The following ACOXL variants were observed in gnomAD, a reference collection of about 807,000 sequenced individuals.
ACOXL encodes the protein acyl-CoA oxidase like, also known as acyl-coenzyme A oxidase-like protein.
ACOXL carries 70 observed loss-of-function variants against 71.9 expected under a neutral mutation model. That is an observed-to-expected ratio of 0.97 (90% CI 0.80 to 1.19). ACOXL has a LOEUF of 1.19. Ranked by LOEUF, ACOXL falls within the 50% of genes most tolerant of loss-of-function variation. The pLI is 0.00. For synonymous variants in ACOXL, 253 were observed against 281.6 expected (o/e 0.90, Z 1.02); for missense variants, 703 against 736.3 (o/e 0.95, Z 0.52).
intron 11 of ACOXL, among the ~76,000 whole-genome samples, chr2:110,911,775 T>C (rs144060746): frequency 1.3e-3 from 201 of 152,196 alleles, no homozygotes; most frequent in Non-Finnish European, 2.1e-3. Context: ...GGTGAAAGAT[T>C]GAATGCTCTC....
At chr2:110,821,158 A>C (rs1277068026) in intron 9 of ACOXL, among the ~76,000 whole-genome samples, 5 of 152,208 alleles carry the variant, frequency 3.3e-5, no homozygotes, top group African/African-American at 7.2e-5. Flanking sequence ...GTCGTGTGGC[A>C]GGGGAGGCCC....
intron 12 of ACOXL, among the ~76,000 whole-genome samples, chr2:110,941,293 C>G (rs998505650): frequency 6.6e-6 from 1 of 152,180 alleles, no homozygotes; most frequent in Admixed American, 6.5e-5. Context: ...TAGCAGACTT[C>G]TGATCAAGAT....
intron 16 of ACOXL, among the ~76,000 whole-genome samples, chr2:111,056,879 C>T (rs2066569682): frequency 6.6e-6 from 1 of 152,034 alleles, no homozygotes; most frequent in Admixed American, 6.5e-5. Context: ...CTGGACGCAG[C>T]TGGCATGGTC....
At chr2:110,768,047 G>C (rs910071096) in intron 1 of ACOXL, among the ~76,000 whole-genome samples, 2 of 151,804 alleles carry the variant, frequency 1.3e-5, no homozygotes, top group African/African-American at 4.8e-5. Context: ...CAGGAGAATC[G>C]CTTGAACCCG....
chr2:110,952,131 A>G (rs558620749), intron 12 of ACOXL, among the ~76,000 whole-genome samples: 27 of 152,362 alleles, frequency 1.8e-4, no homozygotes, highest in African/African-American at 6.0e-4. Context: ...TTCTAAGAAC[A>G]TATAAAATGA....
intron 12 of ACOXL, chr2:110,963,536 C>T: frequency 6.7e-7 from 1 of 1,501,742 alleles, no homozygotes; most frequent in African/African-American, 1.4e-5. Context: ...AATGTGAGTC[C>T]TATGTAGTGA....
intron 13 of ACOXL, 21 bp from the exon 14 acceptor site, chr2:110,995,872 G>T (rs3761707): frequency 6.3e-7 from 1 of 1,582,218 alleles, no homozygotes; most frequent in African/African-American, 1.4e-5. Context: ...AATAATGATG[G>T]TCACCGTGAT....
chr2:110,964,147 A>C (rs993215146), intron 12 of ACOXL, among the ~76,000 whole-genome samples: 1 of 152,142 alleles, frequency 6.6e-6, no homozygotes, highest in African/African-American at 2.4e-5. Flanking sequence ...TGAAGTCCCC[A>C]TGTTGGCACA....
chr2:110,776,931 G>A (rs916052157), intron 2 of ACOXL, among the ~76,000 whole-genome samples: 2 of 151,866 alleles, frequency 1.3e-5, no homozygotes, highest in Non-Finnish European at 2.9e-5. Context: ...CAGTCAAGGT[G>A]ATGAGAAGTG....
intron 17 of ACOXL, among the ~76,000 whole-genome samples, chr2:111,115,956 G>C (rs901650610): frequency 6.6e-6 from 1 of 151,918 alleles, no homozygotes; most frequent in Non-Finnish European, 1.5e-5. Flanking sequence ...CTGGCCCTAC[G>C]TTCTGTTTTT....
chr2:110,992,599 G>A (rs1173265020), intron 13 of ACOXL, among the ~76,000 whole-genome samples: 1 of 152,228 alleles, frequency 6.6e-6, no homozygotes, highest in Non-Finnish European at 1.5e-5. Flanking sequence ...CGGCCTGGAA[G>A]GAGTCAGTCA....
chr2:111,010,526 C>G (rs1487660169), intron 14 of ACOXL, among the ~76,000 whole-genome samples: 1 of 151,344 alleles, frequency 6.6e-6, no homozygotes, highest in Non-Finnish European at 1.5e-5. Flanking sequence ...GAGAGAATAG[C>G]ATAGAAAAAG....
At chr2:110,782,337 A>G (rs2105143850) in intron 2 of ACOXL, among the ~76,000 whole-genome samples, 1 of 152,328 alleles carries the variant, frequency 6.6e-6, no homozygotes, top group South Asian at 2.1e-4. Context: ...AAGAACAATT[A>G]ATCAGAAATA....
rs540660209 is a variant in ACOXL at position 110,782,177 on chromosome 2, G to A, written c.76-2555G>A. On this transcript the variant is annotated intron_variant, in intron 2 of 17. Transcript: ENST00000439055. ...AATATATTAAGTGTAAATGAAGGCA[G>A]CTATTGATACAGTAGAATTGCTGCA... 5.3e-5 allele frequency among the ~76,000 whole-genome samples: 8 copies of A among 152,334 alleles called. No individual in the cohort carries two copies. In the South Asian group the frequency reaches 1.7e-3, roughly 32 times the overall value.
chr2:110,923,889 A>T (rs1382561684), intron 11 of ACOXL, among the ~76,000 whole-genome samples: 1 of 151,746 alleles, frequency 6.6e-6, no homozygotes, highest in Non-Finnish European at 1.5e-5. Context: ...TGAGCTGAGA[A>T]CACACCATTG....
chr2:111,118,128 G>A lies in ACOXL; in HGVS notation c.*312G>A, dbSNP rs1439639473. The A allele has an allele frequency of 2.9e-5, 14 of 480,906 alleles. No homozygotes were observed. Among genetic ancestry groups the A allele is most frequent in the Admixed American group, 1.5e-4 (4 of 27,352 alleles). 29.8% of individuals were successfully genotyped at this position (480,906 alleles called of 1,614,324 possible). A position where few individuals can be genotyped will look rare whatever the true frequency, so the allele number is the denominator to read the frequency against. ...AATCAGGGTGGGCTCCCCGCTGCGAGCGCGCCCCACAGCCGGGTGCCGCCA... is the reference window on the plus strand; with the variant it reads ...AATCAGGGTGGGCTCCCCGCTGCGAACGCGCCCCACAGCCGGGTGCCGCCA... On this transcript the variant is annotated 3_prime_UTR_variant, in exon 18 of 18. Transcript: ENST00000439055.
chr2:110,904,449 C>G (rs1477064919), intron 10 of ACOXL, among the ~76,000 whole-genome samples: 1 of 152,180 alleles, frequency 6.6e-6, no homozygotes, highest in Non-Finnish European at 1.5e-5. Flanking sequence ...GCCCTCCTGC[C>G]TCTGTCTTTC....
At chr2:110,973,916 C>T (rs1256334360) in intron 12 of ACOXL, among the ~76,000 whole-genome samples, 1 of 152,150 alleles carries the variant, frequency 6.6e-6, no homozygotes, top group Admixed American at 6.5e-5. Flanking sequence ...AGACCGAGAC[C>T]CCTGAATACA....
At chr2:110,930,783 A>G (rs769795526) in intron 11 of ACOXL, among the ~76,000 whole-genome samples, 7 of 152,102 alleles carry the variant, frequency 4.6e-5, no homozygotes, top group Non-Finnish European at 1.0e-4. Context: ...TTCCCCTTTC[A>G]CTTGGCTTTC....
Sources: allele counts gnomAD v4.1 joint callset (sites outside exome capture counted in the v4.1 genomes callset), GRCh38; gene constraint gnomAD v4.1.1; transcripts MANE v1.5; gene names NCBI Gene and HGNC (gene_info 2026-07-23, HGNC 2026-07-21).